Variants in ERC2 observed in about 807,000 individuals in gnomAD.
ERC2 encodes the protein ELKS/RAB6-interacting/CAST family member 2, also known as ERC protein 2.
A neutral mutation model predicts 114.8 loss-of-function variants in ERC2; 42 were observed. That is an observed-to-expected ratio of 0.37 (90% confidence interval 0.29 to 0.47). The LOEUF (loss-of-function observed/expected upper bound fraction) is 0.47. Ranked by LOEUF, ERC2 falls within the 20% of genes least tolerant of loss-of-function variation. The pLI is 0.99. For synonymous variants in ERC2, 454 were observed against 425.5 expected (o/e 1.07, Z -0.82); for missense variants, 939 against 1,150.7 (o/e 0.82, Z 2.66).
chr3:55,815,231 G>A (rs746204033), intron 14 of ERC2, among the ~76,000 whole-genome samples: 4 of 152,138 alleles, frequency 2.6e-5, no homozygotes, highest in Non-Finnish European at 5.9e-5. Context: ...TCTTAGTGGG[G>A]TGTCATAGGC....
Position 55,740,771 on chromosome 3 carries a change from T to A in ERC2, c.2565-5853A>T, listed in dbSNP as rs1301024689. 7.2e-5 allele frequency among the ~76,000 whole-genome samples: 11 copies of A among 152,294 alleles called. No individual in the cohort carries two copies. The East Asian group carries it at 1.9e-3, about 27-fold the overall frequency. ...TTTTGAAGCAAGAAGTTTTTAAAAC[T>A]GAGTTAAAATACCTCTTTCTTAAGC... On this transcript the variant is annotated intron_variant, in intron 14 of 17. Transcript: ENST00000288221.
intron 7 of ERC2, among the ~76,000 whole-genome samples, chr3:56,036,705 G>A (rs938106180): frequency 6.6e-6 from 1 of 152,172 alleles, no homozygotes; most frequent in Non-Finnish European, 1.5e-5. Flanking sequence ...GGGAGGCAGT[G>A]AGTAATTGTG....
At chr3:55,588,448 C>T (rs1347264089) in intron 17 of ERC2, among the ~76,000 whole-genome samples, 1 of 152,134 alleles carries the variant, frequency 6.6e-6, no homozygotes, top group Non-Finnish European at 1.5e-5. Flanking sequence ...CCACTTAGGC[C>T]CCGGTAAGCC....
At chr3:56,125,337 T>G (rs975702915) in intron 6 of ERC2, among the ~76,000 whole-genome samples, 4 of 152,194 alleles carry the variant, frequency 2.6e-5, no homozygotes, top group Non-Finnish European at 5.9e-5. Context: ...TTCTAAACTT[T>G]ATTTAGAAAT....
At chr3:56,144,248 C>G (rs745478024) in intron 5 of ERC2, among the ~76,000 whole-genome samples, 1 of 152,040 alleles carries the variant, frequency 6.6e-6, no homozygotes, top group East Asian at 1.9e-4. Context: ...TTATGTGGAA[C>G]AAAAGTAAGA....
chr3:55,737,266 G>A (rs1348449703), intron 14 of ERC2, among the ~76,000 whole-genome samples: 2 of 152,196 alleles, frequency 1.3e-5, no homozygotes, highest in African/African-American at 2.4e-5. Context: ...GTGAGCAGCA[G>A]AACATGTCAG....
rs578164129 is a variant in ERC2 at position 55,934,166 on chromosome 3, T to C, written c.2403+16259A>G. Among the ~76,000 whole-genome samples, 95 of 152,236 alleles carry C rather than the reference T, an allele frequency of 6.2e-4. 1 individual carries two copies. Among genetic ancestry groups the C allele is most frequent in the African/African-American group, 2.3e-3 (94 of 41,550 alleles). ...GCTAGCTGCCAAACATTAAGAAAAG[T>C]TCTAAAAATTTATGATGCTGGGAAA... On this transcript the variant is annotated intron_variant, in intron 13 of 17. Coordinates refer to ENST00000288221, the MANE Select transcript of ERC2 (RefSeq NM_015576.3).
chr3:55,705,412 G>A (rs573667036), intron 15 of ERC2, among the ~76,000 whole-genome samples: 3 of 152,236 alleles, frequency 2.0e-5, no homozygotes, highest in East Asian at 1.9e-4. Context: ...GTATGTGTGC[G>A]GGCTTCCTTC....
chr3:55,788,348 C>T lies in ERC2; in HGVS notation c.2565-53430G>A, dbSNP rs568477301. Among the ~76,000 whole-genome samples, 6 of 152,262 alleles carry T rather than the reference C, an allele frequency of 3.9e-5. No homozygotes were observed. In the South Asian group the frequency reaches 8.3e-4, roughly 21 times the overall value. ...AGGAGCCACTCTGCAAAGGGTATCTCGAGTCCTGGCCATGTGCTAGGAAAG... is the reference window on the plus strand; with the variant it reads ...AGGAGCCACTCTGCAAAGGGTATCTTGAGTCCTGGCCATGTGCTAGGAAAG... On this transcript the variant is annotated intron_variant, in intron 14 of 17. Coordinates refer to ENST00000288221, the MANE Select transcript of ERC2 (RefSeq NM_015576.3).
chr3:55,858,704 AAT>A (rs1279619783), intron 14 of ERC2, among the ~76,000 whole-genome samples: 1 of 152,256 alleles, frequency 6.6e-6, no homozygotes, highest in African/African-American at 2.4e-5. Context: ...CTAGGCTGAA[AAT>A]ACCACAAATG....
At position 56,383,038 on chromosome 3, in the gene ERC2, C is replaced by T. The variant is rs565851205; in HGVS notation, c.657+51313G>A. Among the ~76,000 whole-genome samples the T allele has an allele frequency of 5.9e-5, 9 of 152,108 alleles. No individual in the cohort carries two copies. In the South Asian group the frequency reaches 1.7e-3, roughly 28 times the overall value. ...TTCTTAATTATGTTTTTTTTCCCAT[C>T]CCACAATCAATCCATCAGTAAATCT... is the stretch of plus-strand genomic sequence containing the variant. On this transcript the variant is annotated intron_variant, in intron 2 of 17. Transcript: ENST00000288221.
At chr3:56,377,776 G>A (rs564835332) in intron 2 of ERC2, among the ~76,000 whole-genome samples, 2 of 152,026 alleles carry the variant, frequency 1.3e-5, no homozygotes, top group East Asian at 1.9e-4. Flanking sequence ...TCAGCTACTC[G>A]GGAAGCTGTG....
chr3:55,970,110 T>G (rs950510785), intron 12 of ERC2, among the ~76,000 whole-genome samples: 3 of 152,188 alleles, frequency 2.0e-5, no homozygotes, highest in Admixed American at 2.0e-4. Context: ...AAGGTTCGCT[T>G]TATTTTAAAG....
intron 17 of ERC2, among the ~76,000 whole-genome samples, chr3:55,596,370 C>T (rs2058135197): frequency 6.6e-6 from 1 of 152,036 alleles, no homozygotes. Context: ...TTGCTTGAGC[C>T]CAGGAGTTCA....
At chr3:56,209,439 G>A (rs1225182985) in intron 3 of ERC2, among the ~76,000 whole-genome samples, 3 of 152,186 alleles carry the variant, frequency 2.0e-5, no homozygotes, top group Admixed American at 2.0e-4. Context: ...GGAACAGGCA[G>A]GTTGGGACAT....
chr3:56,442,748 T>G (rs2062378680), intron 1 of ERC2, among the ~76,000 whole-genome samples: 1 of 152,236 alleles, frequency 6.6e-6, no homozygotes, highest in Non-Finnish European at 1.5e-5. Flanking sequence ...TCCTCTTCCC[T>G]TCAGAATACC....
intron 14 of ERC2, among the ~76,000 whole-genome samples, chr3:55,822,730 C>G (rs1000235855): frequency 2.0e-5 from 3 of 151,032 alleles, no homozygotes; most frequent in Non-Finnish European, 4.4e-5. Context: ...TCTCCTACCT[C>G]AGCCTCCCGA....
intron 2 of ERC2, among the ~76,000 whole-genome samples, chr3:56,417,901 G>A (rs1032736638): frequency 1.3e-5 from 2 of 152,214 alleles, no homozygotes; most frequent in African/African-American, 2.4e-5. Flanking sequence ...CCTACAATGA[G>A]GGTAGGAAAC....
chr3:56,122,786 C>G (rs2079651879), intron 6 of ERC2, among the ~76,000 whole-genome samples: 1 of 152,134 alleles, frequency 6.6e-6, no homozygotes, highest in Non-Finnish European at 1.5e-5. Context: ...TCTTATAATG[C>G]AATCTCCTTT....
Sources: allele counts gnomAD v4.1 joint callset (sites outside exome capture counted in the v4.1 genomes callset), GRCh38; gene constraint gnomAD v4.1.1; transcripts MANE v1.5; gene names NCBI Gene and HGNC (gene_info 2026-07-23, HGNC 2026-07-21).